WDR70: variants seen among roughly 807,000 people sequenced by gnomAD.
WDR70 encodes the protein WD repeat domain 70.
WDR70 carries 53 observed loss-of-function variants against 88.6 expected under a neutral mutation model. The observed-to-expected ratio is 0.60, with a 90% CI of 0.48 to 0.75. The LOEUF (loss-of-function observed/expected upper bound fraction) is 0.75. WDR70 is among the 30% of genes least tolerant of loss of function. The pLI is 0.00. For missense variants in WDR70, 610 were observed against 823.2 expected (o/e 0.74, Z 3.17); for synonymous variants, 280 against 270.0 (o/e 1.04, Z -0.36).
intron 8 of WDR70, among the ~76,000 whole-genome samples, chr5:37,509,562 A>G (rs1304311331): frequency 2.6e-5 from 4 of 152,148 alleles, no homozygotes; most frequent in Non-Finnish European, 5.9e-5. Context: ...AATTTTTAAA[A>G]TATCTGATGA....
At chr5:37,728,510 T>C (rs961403290) in intron 17 of WDR70, among the ~76,000 whole-genome samples, 1 of 152,176 alleles carries the variant, frequency 6.6e-6, no homozygotes, top group African/African-American at 2.4e-5. Flanking sequence ...ATGATTTTGA[T>C]GCTTTTAATG....
At chr5:37,531,968 C>T (rs1042413407) in intron 9 of WDR70, among the ~76,000 whole-genome samples, 1 of 152,122 alleles carries the variant, frequency 6.6e-6, no homozygotes, top group Non-Finnish European at 1.5e-5. Flanking sequence ...GGCGAATTCT[C>T]TCAGCATTTT....
rs1268395993 is a variant in WDR70, at chr5:37,473,191, GTATC to G, written c.687-6637_687-6634del. On this transcript the variant is annotated intron_variant, in intron 7 of 17. Transcript: ENST00000265107. ...AGAGCACTTGAATATATTTTGTTAA[GTATC>G]TATCTTTTTACTTTTAGTGGGTTGT... Among the ~76,000 whole-genome samples the G allele has an allele frequency of 2.7e-5, 4 of 147,946 alleles. No homozygotes were observed. In the Admixed American group the frequency reaches 2.7e-4, roughly 10 times the overall value.
At chr5:37,544,937 G>T (rs372806602) in intron 9 of WDR70, among the ~76,000 whole-genome samples, 1 of 152,190 alleles carries the variant, frequency 6.6e-6, no homozygotes. Flanking sequence ...ATTCACATAA[G>T]TGAATCTCAG....
intron 7 of WDR70, among the ~76,000 whole-genome samples, chr5:37,464,238 A>G (rs1452185634): frequency 6.6e-6 from 1 of 152,234 alleles, no homozygotes; most frequent in Non-Finnish European, 1.5e-5. Flanking sequence ...TAACAAGCAT[A>G]TATCCTGTGA....
intron 8 of WDR70, among the ~76,000 whole-genome samples, chr5:37,512,583 ATT>A (rs34462724): frequency 8.5e-5 from 12 of 141,770 alleles, no homozygotes; most frequent in Admixed American, 1.4e-4. Flanking sequence ...TGCATCTAGA[ATT>A]TTTTTTTTTT....
chr5:37,511,570 C>A (rs1740723316), intron 8 of WDR70, among the ~76,000 whole-genome samples: 1 of 152,114 alleles, frequency 6.6e-6, no homozygotes, highest in African/African-American at 2.4e-5. Context: ...AGACCAGGAT[C>A]TCTGTGTTAG....
At chr5:37,624,312 G>C (rs891816911) in intron 10 of WDR70, among the ~76,000 whole-genome samples, 10 of 152,092 alleles carry the variant, frequency 6.6e-5, no homozygotes, top group African/African-American at 2.4e-4. Context: ...TTAACTTTCT[G>C]TTCGCAGCTT....
intron 10 of WDR70, among the ~76,000 whole-genome samples, chr5:37,692,990 C>A (rs1432262692): frequency 1.3e-5 from 2 of 152,312 alleles, no homozygotes; most frequent in Admixed American, 1.3e-4. Flanking sequence ...CCAAAATCTC[C>A]TTAAGCTGAT....
At chr5:37,405,441 C>T (rs993493186) in intron 5 of WDR70, among the ~76,000 whole-genome samples, 1 of 151,746 alleles carries the variant, frequency 6.6e-6, no homozygotes, top group African/African-American at 2.4e-5. Context: ...CCTCTGCCTC[C>T]CAGGTTCAAG....
At chr5:37,659,178 A>C (rs1745633644) in intron 10 of WDR70, among the ~76,000 whole-genome samples, 1 of 152,212 alleles carries the variant, frequency 6.6e-6, no homozygotes, top group Non-Finnish European at 1.5e-5. Flanking sequence ...CCCCAGTGGC[A>C]TATACTATAT....
At chr5:37,464,250 C>T (rs1251412702) in intron 7 of WDR70, among the ~76,000 whole-genome samples, 1 of 152,194 alleles carries the variant, frequency 6.6e-6, no homozygotes, top group African/African-American at 2.4e-5. Context: ...ATCCTGTGAA[C>T]TGATTCATTC....
intron 10 of WDR70, among the ~76,000 whole-genome samples, chr5:37,695,209 C>T (rs1161058058): frequency 6.6e-6 from 1 of 152,074 alleles, no homozygotes; most frequent in African/African-American, 2.4e-5. Context: ...CTCATGAGAA[C>T]TCACCCACTA....
intron 3 of WDR70, among the ~76,000 whole-genome samples, chr5:37,391,304 C>G (rs1453704004): frequency 6.6e-6 from 1 of 151,930 alleles, no homozygotes. Context: ...ATAAAATGTA[C>G]CATCTTAATA....
chr5:37,500,089 C>T (rs767333109), intron 8 of WDR70, among the ~76,000 whole-genome samples: 3 of 151,956 alleles, frequency 2.0e-5, no homozygotes, highest in Non-Finnish European at 4.4e-5. Flanking sequence ...TTTTATCCCT[C>T]ATTCCTCTCC....
intron 5 of WDR70, among the ~76,000 whole-genome samples, chr5:37,430,675 C>T (rs1750275183): frequency 6.6e-6 from 1 of 152,046 alleles, no homozygotes; most frequent in Admixed American, 6.5e-5. Context: ...ATTCTCCCAC[C>T]TCAGGCTCCC....
intron 10 of WDR70, among the ~76,000 whole-genome samples, chr5:37,676,955 AG>A (rs1746244463): frequency 6.6e-6 from 1 of 152,000 alleles, no homozygotes; most frequent in Admixed American, 6.6e-5. Context: ...TTCCTGGTTT[AG>A]TCTTGGGAGG....
At chr5:37,623,946 CCTTCA>C (rs1744589496) in intron 10 of WDR70, among the ~76,000 whole-genome samples, 1 of 152,028 alleles carries the variant, frequency 6.6e-6, no homozygotes, top group Non-Finnish European at 1.5e-5. Flanking sequence ...TTGATCCTTT[CCTTCA>C]CTTCACTGTT....
At chr5:37,659,797 ACTAATT>A (rs1745654999) in intron 10 of WDR70, among the ~76,000 whole-genome samples, 1 of 152,118 alleles carries the variant, frequency 6.6e-6, no homozygotes, top group Non-Finnish European at 1.5e-5. Flanking sequence ...TTATATGGAC[ACTAATT>A]CCATCATAGC....
Sources: allele counts gnomAD v4.1 joint callset (sites outside exome capture counted in the v4.1 genomes callset), GRCh38; gene constraint gnomAD v4.1.1; transcripts MANE v1.5; gene names NCBI Gene and HGNC (gene_info 2026-07-23, HGNC 2026-07-21).